The following COL6A5 variants were observed in gnomAD, a reference collection of about 807,000 sequenced individuals.
COL6A5 encodes collagen type VI alpha 5 chain.
A neutral mutation model predicts 65.6 loss-of-function variants in COL6A5; 48 were observed. The ratio of observed to expected loss-of-function variants is 0.73; its 90% confidence interval spans 0.58 to 0.93. The LOEUF is 0.93. Ranked by LOEUF, COL6A5 falls within the 40% of genes least tolerant of loss-of-function variation. The probability of loss-of-function intolerance (pLI) is 0.00; values close to 1 mark genes in which losing one functional copy is unlikely to be tolerated. For synonymous variants in COL6A5, 291 were observed against 322.8 expected (o/e 0.90, Z 1.05); for missense variants, 914 against 928.3 (o/e 0.98, Z 0.20).
At chr3:130,443,227 G>C (rs1709226808) in intron 3 of COL6A5, among the ~76,000 whole-genome samples, 1 of 152,114 alleles carries the variant, frequency 6.6e-6, no homozygotes, top group Non-Finnish European at 1.5e-5. Context: ...ATCACAACTA[G>C]CTCTTAGATG....
intron 3 of COL6A5, among the ~76,000 whole-genome samples, chr3:130,442,628 C>G (rs1227056226): frequency 6.6e-6 from 1 of 152,162 alleles, no homozygotes; most frequent in Non-Finnish European, 1.5e-5. Context: ...TCAAACTGCT[C>G]TCCCCAATTC....
At chr3:130,484,138 A>T (rs1005960725) in exon 8 of COL6A5, 69 of 1,319,296 alleles carry the variant, frequency 5.2e-5, no homozygotes, top group Non-Finnish European at 7.0e-5. Context: ...TGTTAGAGGT[A>T]CTGTGGTAAA....
At chr3:130,452,378 C>G (rs1709463688) in intron 4 of COL6A5, among the ~76,000 whole-genome samples, 1 of 152,112 alleles carries the variant, frequency 6.6e-6, no homozygotes, top group Non-Finnish European at 1.5e-5. Context: ...TCTATTTTCC[C>G]TAAGCATGCA....
intron 6 of COL6A5, among the ~76,000 whole-genome samples, chr3:130,390,370 TAA>T (rs1322813266): frequency 6.6e-6 from 1 of 152,118 alleles, no homozygotes; most frequent in African/African-American, 2.4e-5. Flanking sequence ...GTCAGAAAAT[TAA>T]AAATTTGAGA....
chr3:130,476,996 A>G, intron 7 of COL6A5: 1 of 1,011,076 alleles, frequency 9.9e-7, no homozygotes, highest in Non-Finnish European at 1.5e-6. Context: ...ATGAAAGCTT[A>G]ATGACTGAGA....
At chr3:130,395,898 T>G (rs1249980054) in intron 8 of COL6A5, among the ~76,000 whole-genome samples, 1 of 152,158 alleles carries the variant, frequency 6.6e-6, no homozygotes, top group East Asian at 1.9e-4. Context: ...TGTGTGTGTG[T>G]GTGTGTGTAT....
chr3:130,362,284 T>TTGTC (rs1559857876), intron 1 of COL6A5, among the ~76,000 whole-genome samples: 1 of 116,484 alleles, frequency 8.6e-6, no homozygotes, highest in Admixed American at 8.9e-5. Context: ...GTCTCTGTCT[T>TTGTC]TCTCCATATA....
intron 21 of COL6A5, 49 bp from the exon 22 acceptor site, chr3:130,414,020 T>C (rs1487154692): frequency 3.0e-6 from 4 of 1,348,776 alleles, no homozygotes; most frequent in South Asian, 1.3e-5. Context: ...AAAATCTATA[T>C]GGAAACAACG....
chr3:130,361,178 T>C (rs544788247), intron 1 of COL6A5, among the ~76,000 whole-genome samples: 13 of 152,114 alleles, frequency 8.5e-5, no homozygotes, highest in Non-Finnish European at 1.9e-4. Flanking sequence ...TATAATGACA[T>C]GTATCCATTA....
At chr3:130,400,957 T>G (rs1936793301) in intron 10 of COL6A5, 74 bp from the exon 11 acceptor site, 2 of 1,212,948 alleles carry the variant, frequency 1.6e-6, no homozygotes, top group Admixed American at 6.5e-5. Flanking sequence ...GTTCACTGAG[T>G]AGAATTATTA....
intron 7 of COL6A5, among the ~76,000 whole-genome samples, chr3:130,478,640 G>A (rs866873056): frequency 5.9e-5 from 9 of 151,992 alleles, no homozygotes; most frequent in East Asian, 3.9e-4. Context: ...ATCTAACTGC[G>A]GTGCTTTGCC....
rs372533610 is a variant in COL6A5 at position 130,376,398 on chromosome 3, G to A, written c.229G>A (p.Glu77Lys). 37 of 1,613,466 alleles carry A rather than the reference G, an allele frequency of 2.3e-5. 1 individual carries two copies. Among genetic ancestry groups the A allele is most frequent in the East Asian group, 1.6e-4 (7 of 44,842 alleles). ...TGTAGCCCTGGCCCAGTACAGCGAC[G>A]AGTTTCACAGTGAATTCCATCTGAG... Residue 77 changes from glutamate (E) to lysine (K), a missense_variant and NMD_transcript_variant, in exon 3 of 42, where the codon GAG becomes AAG. Physicochemically the swap from Glu to Lys is moderately conservative, Grantham distance 56 (BLOSUM62 1). Coordinates refer to the COL6A5 transcript ENST00000312481.
intron 25 of COL6A5, among the ~76,000 whole-genome samples, chr3:130,419,906 A>C (rs1474655332): frequency 2.0e-5 from 3 of 152,100 alleles, no homozygotes; most frequent in African/African-American, 7.2e-5. Context: ...AAAAAGAAAA[A>C]AATAGTAAAT....
At chr3:130,414,507 C>G (rs1937281552) in intron 22 of COL6A5, among the ~76,000 whole-genome samples, 1 of 152,146 alleles carries the variant, frequency 6.6e-6, no homozygotes, top group African/African-American at 2.4e-5. Flanking sequence ...AAGTTGGAAA[C>G]TGCTACTCGA....
chr3:130,456,170 T>C (rs1371963948), intron 5 of COL6A5, among the ~76,000 whole-genome samples: 1 of 152,142 alleles, frequency 6.6e-6, no homozygotes, highest in Admixed American at 6.6e-5. Flanking sequence ...TAAGAAAGTA[T>C]GTTTTATTTT....
intron 13 of COL6A5, 129 bp downstream of exon 13, chr3:130,403,791 G>T: frequency 5.4e-6 from 3 of 556,330 alleles, no homozygotes; most frequent in South Asian, 1.1e-4. Context: ...GGGTAGATGG[G>T]GTTTTGTTTA....
chr3:130,371,209 G>C, intron 1 of COL6A5, among the ~76,000 whole-genome samples: 1 of 151,996 alleles, frequency 6.6e-6, no homozygotes, highest in African/African-American at 2.4e-5. Context: ...CCATAGTAAT[G>C]GATTGTAAAA....
rs1354563111 is a variant in COL6A5 at position 130,466,243 on chromosome 3, TA to T, written c.1545-2549del. On this transcript the variant is annotated intron_variant, in intron 5 of 7. Transcript: ENST00000512836. Reference sequence around the variant, plus strand: ...GACCATAAAACAATGCTCAACATTTTAAAGGATTCAAGTGATAGCAAATGTG... The same window carrying T: ...GACCATAAAACAATGCTCAACATTTTAAGGATTCAAGTGATAGCAAATGTG... 2.6e-5 allele frequency among the ~76,000 whole-genome samples: 4 copies of T among 152,104 alleles called. No homozygotes were observed. In the East Asian group the frequency reaches 7.7e-4, roughly 29 times the overall value.
intron 18 of COL6A5, 84 bp downstream of exon 18, chr3:130,409,472 C>A: frequency 8.4e-7 from 1 of 1,191,976 alleles, no homozygotes; most frequent in Non-Finnish European, 1.2e-6. Context: ...TTCCTGCCTA[C>A]CCTGTAGGCA....
Sources: allele counts gnomAD v4.1 joint callset (sites outside exome capture counted in the v4.1 genomes callset), GRCh38; gene constraint gnomAD v4.1.1; transcripts MANE v1.5; gene names NCBI Gene and HGNC (gene_info 2026-07-23, HGNC 2026-07-21).